TRIM9: variants seen among roughly 807,000 people sequenced by gnomAD.
TRIM9 encodes the protein E3 ubiquitin-protein ligase TRIM9.
TRIM9 carries 26 observed loss-of-function variants against 78.3 expected under a neutral mutation model. The ratio of observed to expected loss-of-function variants is 0.33; its 90% CI spans 0.24 to 0.46. The LOEUF is 0.46. Ranked by LOEUF, TRIM9 falls within the 20% of genes least tolerant of loss-of-function variation. TRIM9 has a pLI of 1.00. For synonymous variants in TRIM9, 398 were observed against 416.5 expected, an observed-to-expected ratio of 0.96 and a Z score of 0.54; for missense variants, 787 against 1,036.4, an observed-to-expected ratio of 0.76 and a Z score of 3.30.
At chr14:51,026,945 G>A (rs2058285094) in intron 1 of TRIM9, among the ~76,000 whole-genome samples, 1 of 152,118 alleles carries the variant, frequency 6.6e-6, no homozygotes, top group Non-Finnish European at 1.5e-5. Flanking sequence ...TCTGAATTCT[G>A]AAATGCTGCC....
intron 1 of TRIM9, among the ~76,000 whole-genome samples, chr14:51,066,351 A>C (rs2061740491): frequency 6.6e-6 from 1 of 152,152 alleles, no homozygotes; most frequent in African/African-American, 2.4e-5. Flanking sequence ...GCAAACCCAA[A>C]GGTCAGTACT....
intron 1 of TRIM9, among the ~76,000 whole-genome samples, chr14:51,092,464 C>T (rs1002313056): frequency 6.6e-6 from 1 of 152,194 alleles, no homozygotes; most frequent in East Asian, 1.9e-4. Flanking sequence ...TGGCCACTTG[C>T]AAAAGCTACC....
At chr14:50,979,061 T>A in intron 12 of TRIM9, 1 of 1,323,348 alleles carries the variant, frequency 7.6e-7, no homozygotes, top group Non-Finnish European at 9.6e-7. Flanking sequence ...TTCTATTTGT[T>A]TTCATGCCAG....
chr14:51,076,639 A>C (rs1205814102), intron 1 of TRIM9, among the ~76,000 whole-genome samples: 1 of 152,254 alleles, frequency 6.6e-6, no homozygotes, highest in African/African-American at 2.4e-5. Flanking sequence ...AACATGTGCC[A>C]AAAACTCACA....
At chr14:51,013,573 T>C (rs1466436290) in intron 3 of TRIM9, among the ~76,000 whole-genome samples, 1 of 152,146 alleles carries the variant, frequency 6.6e-6, no homozygotes, top group Non-Finnish European at 1.5e-5. Flanking sequence ...AAAAGGAAAA[T>C]AAAATGTAGG....
chr14:51,026,547 C>G (rs140572763), intron 1 of TRIM9, among the ~76,000 whole-genome samples: 2 of 152,248 alleles, frequency 1.3e-5, no homozygotes, highest in East Asian at 3.9e-4. Context: ...GTCTTCTTTT[C>G]AAATTAAAGC....
chr14:51,066,569 T>G (rs1303367628), intron 1 of TRIM9, among the ~76,000 whole-genome samples: 1 of 152,236 alleles, frequency 6.6e-6, no homozygotes, highest in Non-Finnish European at 1.5e-5. Flanking sequence ...TGGCTTCGAA[T>G]CATGTATATG....
At position 50,976,480 on chromosome 14, in the gene TRIM9, G is replaced by A. The variant is rs1357937619; in HGVS notation, c.*811C>T. 2 of 152,274 alleles carry A rather than the reference G, an allele frequency of 1.3e-5. No homozygotes were observed. Among genetic ancestry groups the A allele is most frequent in the African/African-American group, 4.8e-5 (2 of 41,456 alleles). 9.4% of individuals were successfully genotyped at this position (152,274 alleles called of 1,614,324 possible). On this transcript the variant is annotated 3_prime_UTR_variant, in exon 13 of 13. Coordinates refer to ENST00000684578, the MANE Select transcript of TRIM9 (RefSeq NM_001387360.1). Reference sequence around the variant, plus strand: ...GTCTGTTCACCACTGTGTCCCCACAGTGTCTAGAACATAATGTTCTAGTGT... The same window carrying A: ...GTCTGTTCACCACTGTGTCCCCACAATGTCTAGAACATAATGTTCTAGTGT...
At chr14:50,981,637 C>A (rs1405123724) in intron 11 of TRIM9, among the ~76,000 whole-genome samples, 163 bp downstream of exon 11, 1 of 152,118 alleles carries the variant, frequency 6.6e-6, no homozygotes, top group African/African-American at 2.4e-5. Context: ...AGTAAACCAC[C>A]AGCATGGACT....
At chr14:50,990,390 T>C (rs1224084350) in intron 7 of TRIM9, among the ~76,000 whole-genome samples, 3 of 152,136 alleles carry the variant, frequency 2.0e-5, no homozygotes, top group Non-Finnish European at 4.4e-5. Flanking sequence ...GCAGTAGAAT[T>C]GAGCCGTTGG....
chr14:51,069,351 C>G (rs1033606750), intron 1 of TRIM9, among the ~76,000 whole-genome samples: 3 of 152,168 alleles, frequency 2.0e-5, no homozygotes, highest in African/African-American at 7.2e-5. Context: ...GCAATGTCTA[C>G]AGGCAATTTT....
intron 1 of TRIM9, among the ~76,000 whole-genome samples, chr14:51,072,778 T>C (rs1169822529): frequency 6.6e-6 from 1 of 152,158 alleles, no homozygotes; most frequent in African/African-American, 2.4e-5. Context: ...TCTCCCTAAA[T>C]TGCTTTATAA....
chr14:51,091,040 A>G (rs2140374564), intron 1 of TRIM9: 1 of 152,326 alleles, frequency 6.6e-6, no homozygotes, highest in African/African-American at 2.4e-5. Flanking sequence ...TTGGTGTTAT[A>G]ATTCTTTTAA....
chr14:51,066,219 T>C (rs1372537711), intron 1 of TRIM9, among the ~76,000 whole-genome samples: 1 of 152,306 alleles, frequency 6.6e-6, no homozygotes, highest in African/African-American at 2.4e-5. Context: ...TTTAAAGCCC[T>C]GACTAAACTC....
intron 1 of TRIM9, among the ~76,000 whole-genome samples, chr14:51,045,156 G>A (rs2059857207): frequency 6.6e-6 from 1 of 152,188 alleles, no homozygotes; most frequent in Admixed American, 6.5e-5. Flanking sequence ...CTGCTCAGCT[G>A]GTGAGCTGGC....
chr14:51,069,911 A>G (rs1048419315), intron 1 of TRIM9, among the ~76,000 whole-genome samples: 7 of 152,266 alleles, frequency 4.6e-5, no homozygotes, highest in Non-Finnish European at 1.0e-4. Context: ...CAAACTTGCT[A>G]AAATTTATTT....
intron 1 of TRIM9, among the ~76,000 whole-genome samples, chr14:51,042,770 A>G (rs1348749851): frequency 6.6e-6 from 1 of 152,116 alleles, no homozygotes; most frequent in Non-Finnish European, 1.5e-5. Flanking sequence ...TCCCTTCTTC[A>G]TGAGCTTTGC....
Position 50,986,038 on chromosome 14 carries a change from G to A in TRIM9, c.1710C>T (p.Phe570=). 6.5e-7 allele frequency: 1 copy of A among 1,549,900 alleles called. No individual in the cohort carries two copies. Among genetic ancestry groups the A allele is most frequent in the African/African-American group, 1.4e-5 (1 of 73,158 alleles). The change falls in exon 8 of 13, where the codon TTC becomes TTT. Residue 570 remains phenylalanine, a synonymous_variant. Transcript: ENST00000684578. ...FSSTLNLQPS[F]PGRSYFDFRS... is the part of the protein sequence containing the mutation. ...GGAAATCAAAGTAGGATCTCCCGGG[G>A]AAGCTGGGTTGTAGATTAAGGGTGG...
At chr14:51,056,371 T>C (rs1348370622) in intron 1 of TRIM9, among the ~76,000 whole-genome samples, 1 of 152,210 alleles carries the variant, frequency 6.6e-6, no homozygotes, top group Non-Finnish European at 1.5e-5. Context: ...TACAAACATA[T>C]GGTTTGCAAC....
Sources: gnomAD v4.1 joint callset for allele counts (sites outside exome capture counted in the v4.1 genomes callset) on GRCh38, gnomAD v4.1.1 for gene constraint, MANE v1.5 for transcripts, NCBI Gene and HGNC (gene_info 2026-07-23, HGNC 2026-07-21) for gene names.